The following LARS2 variants were observed in gnomAD, a reference collection of about 807,000 sequenced individuals.
LARS2 encodes the protein leucyl-tRNA synthetase 2, mitochondrial, also known as leucine--tRNA ligase, mitochondrial.
In LARS2, 81 loss-of-function variants were observed where a neutral mutation model predicts 116.6. That is an observed-to-expected ratio of 0.69 (90% CI 0.58 to 0.84). LARS2 has a LOEUF of 0.84. LARS2 is among the 40% of genes least tolerant of loss of function. The pLI is 0.00. For synonymous variants in LARS2, 396 were observed against 407.2 expected (o/e 0.97, Z 0.33); for missense variants, 968 against 1,114.5 (o/e 0.87, Z 1.87).
chr3:45,524,342 G>T (rs561524952), intron 20 of LARS2, among the ~76,000 whole-genome samples: 2 of 152,202 alleles, frequency 1.3e-5, no homozygotes, highest in East Asian at 3.9e-4. Flanking sequence ...GACTAATGTG[G>T]GTGTTGATGT....
At position 45,417,651 on chromosome 3, in the gene LARS2, A is replaced by G. The variant is rs764180369; in HGVS notation, c.455+78A>G. 48 of 890,796 alleles carry G rather than the reference A, an allele frequency of 5.4e-5. 1 individual carries two copies. The Admixed American group carries it at 8.7e-4, about 16-fold the overall frequency. The allele number at this position is 890,796 out of a possible 1,614,324, so 55.2% of individuals were successfully genotyped here. On this transcript the variant is annotated intron_variant, in intron 5 of 21. Transcript: ENST00000645846. Reference sequence around the variant, plus strand: ...TTTTTTTAACCTGTGCTTAAAAAATAGAAAGCAAAGCAAACAAAACACTGC... The same window carrying G: ...TTTTTTTAACCTGTGCTTAAAAAATGGAAAGCAAAGCAAACAAAACACTGC...
chr3:45,414,700 A>G (rs1698387047), intron 4 of LARS2, among the ~76,000 whole-genome samples: 2 of 151,976 alleles, frequency 1.3e-5, no homozygotes, highest in Admixed American at 6.6e-5. Flanking sequence ...ACTGCACTTC[A>G]GCCTCGGCAA....
rs1317911259 is a variant in LARS2 at position 45,500,693 on chromosome 3, G to A, written c.1760+114G>A. 4 of 758,248 alleles carry A rather than the reference G, an allele frequency of 5.3e-6. No individual in the cohort carries two copies. The East Asian group carries it at 1.2e-4, about 22-fold the overall frequency. The allele number at this position is 758,248 out of a possible 1,614,324, so 47.0% of individuals were successfully genotyped here. A position where few individuals can be genotyped will look rare whatever the true frequency, so the allele number is the denominator to read the frequency against. ...CATGTAGTAGAATACTAGTTTTCTA[G>A]TATGCTTTAGAGGTTGTCAACCTTA... On this transcript the variant is annotated intron_variant, in intron 15 of 21. Coordinates refer to ENST00000645846, the MANE Select transcript of LARS2 (RefSeq NM_015340.4).
intron 8 of LARS2, among the ~76,000 whole-genome samples, chr3:45,464,324 C>T (rs1433771788): frequency 6.6e-6 from 1 of 152,158 alleles, no homozygotes; most frequent in African/African-American, 2.4e-5. Context: ...AGGGTCCAGC[C>T]TCCAAGAGTC....
At chr3:45,405,437 A>T (rs1432889910) in intron 4 of LARS2, among the ~76,000 whole-genome samples, 3 of 152,214 alleles carry the variant, frequency 2.0e-5, no homozygotes, top group Non-Finnish European at 4.4e-5. Flanking sequence ...TGTTTTTAAA[A>T]GCATACAACT....
At chr3:45,430,403 T>C (rs1453161903) in intron 6 of LARS2, among the ~76,000 whole-genome samples, 132 of 134,700 alleles carry the variant, frequency 9.8e-4, no homozygotes, top group Middle Eastern at 4.7e-3. Context: ...CTCAGCCTCC[T>C]GAGTAGCTGG....
intron 16 of LARS2, 105 bp from the exon 17 acceptor site, chr3:45,515,989 A>G (rs1700364015): frequency 1.3e-6 from 1 of 798,422 alleles, no homozygotes; most frequent in Non-Finnish European, 2.0e-6. Flanking sequence ...GATTCTTCAA[A>G]TGGACACTTT....
chr3:45,473,737 T>C (rs1287097234), intron 8 of LARS2, among the ~76,000 whole-genome samples: 1 of 151,720 alleles, frequency 6.6e-6, no homozygotes, highest in Non-Finnish European at 1.5e-5. Context: ...ATCTTTGTGC[T>C]GTAGCCAAAT....
intron 3 of LARS2, among the ~76,000 whole-genome samples, chr3:45,399,734 C>A (rs558376457): frequency 1.3e-4 from 19 of 151,934 alleles, no homozygotes; most frequent in East Asian, 5.8e-4. Context: ...TGGTGCACCC[C>A]TCACCCGAGC....
chr3:45,423,314 T>C (rs943342227), intron 6 of LARS2, among the ~76,000 whole-genome samples: 2 of 152,084 alleles, frequency 1.3e-5, no homozygotes, highest in African/African-American at 4.8e-5. Context: ...TGTTTCATTG[T>C]TTTTGTTTTT....
chr3:45,516,862 G>A (rs1396811771), intron 17 of LARS2, among the ~76,000 whole-genome samples: 2 of 152,018 alleles, frequency 1.3e-5, no homozygotes, highest in Non-Finnish European at 2.9e-5. Flanking sequence ...GAGTTGTTTA[G>A]TACTAAAATG....
intron 2 of LARS2, among the ~76,000 whole-genome samples, chr3:45,391,976 G>T (rs1697960940): frequency 6.6e-6 from 1 of 152,298 alleles, no homozygotes. Flanking sequence ...GTTCTTTGGG[G>T]ATGCTGTCTA....
chr3:45,457,436 T>C (rs1699231705), intron 7 of LARS2, among the ~76,000 whole-genome samples: 1 of 152,200 alleles, frequency 6.6e-6, no homozygotes, highest in South Asian at 2.1e-4. Context: ...CCCAATACTT[T>C]GGGAGGCCAA....
chr3:45,476,618 C>G lies in LARS2; in HGVS notation c.1009C>G (p.Pro337Ala). 4 of 1,614,046 alleles carry G rather than the reference C, an allele frequency of 2.5e-6. No homozygotes were observed. In the South Asian group the frequency reaches 4.4e-5, roughly 18 times the overall value. The change falls in exon 10 of 22, where the codon CCT (proline) becomes GCT (alanine). Residue 337 changes from proline (P) to alanine (A), a missense_variant. Physicochemically the swap from Pro to Ala is conservative, Grantham distance 27. Coordinates refer to ENST00000645846, the MANE Select transcript of LARS2 (RefSeq NM_015340.4). ...GGAAGCCTTGAGGATGGCCCTTGTC[C>G]CTGGCAAAGGTGAGCTGGCAAGTTA... ...LKEALRMALVPGKDCLTPVMA... is the reference protein window; with the variant it reads ...LKEALRMALVAGKDCLTPVMA...
chr3:45,535,363 A>G (rs1700684727), intron 20 of LARS2, among the ~76,000 whole-genome samples: 1 of 146,398 alleles, frequency 6.8e-6, no homozygotes, highest in African/African-American at 2.5e-5. Context: ...AATTAAAAAA[A>G]AAAAGAAAAG....
chr3:45,526,506 T>C (rs1338588931), intron 20 of LARS2, among the ~76,000 whole-genome samples: 1 of 152,184 alleles, frequency 6.6e-6, no homozygotes, highest in Non-Finnish European at 1.5e-5. Flanking sequence ...ATCTTGGTGC[T>C]TGATCAAAGT....
intron 10 of LARS2, among the ~76,000 whole-genome samples, chr3:45,477,585 G>A (rs1699637333): frequency 6.6e-6 from 1 of 152,150 alleles, no homozygotes; most frequent in Non-Finnish European, 1.5e-5. Flanking sequence ...ACAAACTTGA[G>A]GGCTCTTACC....
chr3:45,528,050 A>G (rs1212880164), intron 20 of LARS2, among the ~76,000 whole-genome samples: 1 of 152,196 alleles, frequency 6.6e-6, no homozygotes, highest in Non-Finnish European at 1.5e-5. Context: ...TGCAGTGGAT[A>G]TGGTGGCTGG....
In LARS2 at chr3:45,417,542, A is replaced by C; in HGVS notation, c.424A>C (p.Arg142=). The change falls in exon 5 of 22, where the codon AGG becomes CGG. Residue 142 remains arginine (R), a synonymous_variant. Transcript: ENST00000645846. The stretch of plus-strand genomic sequence containing the variant: ...GCCTGCTGAAAATGCCGCAGTCGAG[A>C]GGAATCTACATCCACAAAGTTGGAC... ...GLPAENAAVE[R]NLHPQSWTQS... 1 of 1,614,122 alleles carries C rather than the reference A, an allele frequency of 6.2e-7. No homozygotes were observed. The highest frequency in any genetic ancestry group is 8.5e-7 in the Non-Finnish European group (1 of 1,179,956).
Sources: allele counts gnomAD v4.1 joint callset (sites outside exome capture counted in the v4.1 genomes callset), GRCh38; gene constraint gnomAD v4.1.1; transcripts MANE v1.5; gene names NCBI Gene and HGNC (gene_info 2026-07-23, HGNC 2026-07-21).